The following TOX3 variants were observed in gnomAD, a reference collection of about 807,000 sequenced individuals.
TOX3 encodes CAG trinucleotide repeat-containing gene F9 protein.
TOX3 carries 22 observed loss-of-function variants against 64.3 expected under a neutral mutation model. The ratio of observed to expected loss-of-function variants is 0.34; its 90% CI spans 0.24 to 0.49. The LOEUF (loss-of-function observed/expected upper bound fraction) is 0.49. TOX3 is among the 20% of genes least tolerant of loss of function. The probability of loss-of-function intolerance (pLI) is 0.99; values close to 1 mark genes in which losing one functional copy is unlikely to be tolerated. For synonymous variants in TOX3, 291 were observed against 273.6 expected (o/e 1.06, Z -0.63); for missense variants, 661 against 714.4 (o/e 0.93, Z 0.85).
intron 1 of TOX3, among the ~76,000 whole-genome samples, chr16:52,475,010 G>A (rs748650059): frequency 6.6e-5 from 10 of 152,058 alleles, no homozygotes; most frequent in Non-Finnish European, 1.5e-4. Context: ...TATTGTCCCT[G>A]TAAATGTTCC....
chr16:52,531,818 T>C (rs1012219886), intron 1 of TOX3, among the ~76,000 whole-genome samples: 1 of 151,938 alleles, frequency 6.6e-6, no homozygotes, highest in African/African-American at 2.4e-5. Flanking sequence ...TGAGAAAAGA[T>C]GACAAGCAGG....
chr16:52,540,022 T>C (rs2151490373), intron 1 of TOX3, among the ~76,000 whole-genome samples: 1 of 152,198 alleles, frequency 6.6e-6, no homozygotes, highest in East Asian at 1.9e-4. Context: ...CCTACACCAT[T>C]CTACTCAAAA....
intron 1 of TOX3, among the ~76,000 whole-genome samples, chr16:52,475,154 C>T (rs1596806559): frequency 1.3e-5 from 2 of 152,162 alleles, no homozygotes; most frequent in African/African-American, 4.8e-5. Flanking sequence ...TTTCAACATC[C>T]AACAATATCA....
chr16:52,485,191 AGTGTGTGTGTATAT>A (rs556625011), intron 1 of TOX3, among the ~76,000 whole-genome samples: 1,501 of 143,184 alleles, frequency 0.01, 12 homozygotes, highest in Non-Finnish European at 0.015. Flanking sequence ...GTGTATATGT[AGTGTGTGTGTATAT>A]GTGTGTGTGT....
intron 1 of TOX3, among the ~76,000 whole-genome samples, chr16:52,539,041 G>A (rs1342338604): frequency 6.6e-6 from 1 of 151,748 alleles, no homozygotes; most frequent in Non-Finnish European, 1.5e-5. Context: ...CAAAAATCCT[G>A]TCCTTTCTTA....
intron 1 of TOX3, among the ~76,000 whole-genome samples, chr16:52,494,887 T>C (rs1961798755): frequency 6.6e-6 from 1 of 152,236 alleles, no homozygotes; most frequent in Non-Finnish European, 1.5e-5. Context: ...CCAGTAGGTA[T>C]GAGTTTATGT....
intron 6 of TOX3, among the ~76,000 whole-genome samples, chr16:52,442,937 G>C (rs1960048080): frequency 6.6e-6 from 1 of 152,080 alleles, no homozygotes; most frequent in Admixed American, 6.6e-5. Flanking sequence ...TAAGTTTTAA[G>C]TTATCCCCTC....
chr16:52,465,658 T>G (rs1017999402), intron 2 of TOX3, among the ~76,000 whole-genome samples: 2 of 151,984 alleles, frequency 1.3e-5, no homozygotes, highest in African/African-American at 4.8e-5. Context: ...AAAATCATCA[T>G]TCTTCAAGCT....
At chr16:52,545,994 C>CA (rs1361287612) in intron 1 of TOX3, among the ~76,000 whole-genome samples, 1 of 151,522 alleles carries the variant, frequency 6.6e-6, no homozygotes. Context: ...TTAGCCCCCC[C>CA]AAAAAAATGA....
intron 1 of TOX3, among the ~76,000 whole-genome samples, chr16:52,508,361 C>T (rs941960791): frequency 6.6e-6 from 1 of 152,178 alleles, no homozygotes; most frequent in Non-Finnish European, 1.5e-5. Flanking sequence ...AGCGTGCATA[C>T]ACAAGGGTGT....
intron 1 of TOX3, among the ~76,000 whole-genome samples, chr16:52,506,024 A>G (rs994399342): frequency 2.6e-5 from 4 of 152,186 alleles, no homozygotes; most frequent in Non-Finnish European, 4.4e-5. Context: ...ATCTAAACCT[A>G]TCTGAAAATT....
chr16:52,506,962 G>A (rs969605014), intron 1 of TOX3, among the ~76,000 whole-genome samples: 2 of 152,154 alleles, frequency 1.3e-5, no homozygotes, highest in Admixed American at 1.3e-4. Context: ...GTTGCCCATA[G>A]AAATCTGAAT....
At chr16:52,527,453 A>C (rs1331181541) in intron 1 of TOX3, among the ~76,000 whole-genome samples, 2 of 152,350 alleles carry the variant, frequency 1.3e-5, no homozygotes, top group African/African-American at 4.8e-5. Flanking sequence ...TTGAAGGACA[A>C]CTATTTTCTC....
chr16:52,534,918 A>G (rs1249543464), intron 1 of TOX3, among the ~76,000 whole-genome samples: 1 of 152,186 alleles, frequency 6.6e-6, no homozygotes, highest in Admixed American at 6.5e-5. Flanking sequence ...CAGGTAATCA[A>G]TTAAAATTAG....
intron 6 of TOX3, among the ~76,000 whole-genome samples, chr16:52,443,308 A>G (rs908120717): frequency 1.3e-5 from 2 of 152,174 alleles, no homozygotes; most frequent in African/African-American, 4.8e-5. Context: ...GACCTGATAA[A>G]TGTTTTATCT....
At chr16:52,524,587 CCA>C (rs1962682223) in intron 1 of TOX3, among the ~76,000 whole-genome samples, 1 of 152,178 alleles carries the variant, frequency 6.6e-6, no homozygotes, top group Non-Finnish European at 1.5e-5. Context: ...CCTCCCCTTC[CCA>C]CAGAGGGCTG....
intron 1 of TOX3, among the ~76,000 whole-genome samples, chr16:52,471,276 T>A (rs74017821): frequency 0.048 from 7,351 of 152,246 alleles, 474 homozygotes; most frequent in African/African-American, 0.15. Context: ...AGGGTGGTAT[T>A]TTCATTTGAT....
intron 1 of TOX3, among the ~76,000 whole-genome samples, chr16:52,502,707 A>G (rs1223817890): frequency 1.3e-5 from 2 of 152,246 alleles, no homozygotes; most frequent in East Asian, 3.9e-4. Flanking sequence ...TGACACCAAC[A>G]TAAGAATTCC....
intron 1 of TOX3, among the ~76,000 whole-genome samples, chr16:52,490,731 C>T (rs1961659754): frequency 6.8e-6 from 1 of 147,712 alleles, no homozygotes; most frequent in Admixed American, 6.9e-5. Flanking sequence ...CTGGACTCAA[C>T]CAATCCTCCC....
Sources: allele counts gnomAD v4.1 joint callset (sites outside exome capture counted in the v4.1 genomes callset), GRCh38; gene constraint gnomAD v4.1.1; transcripts MANE v1.5; gene names NCBI Gene and HGNC (gene_info 2026-07-23, HGNC 2026-07-21).